TTC34: variants seen among roughly 807,000 people sequenced by gnomAD.
The protein encoded by TTC34 is tetratricopeptide repeat protein 34.
A neutral mutation model predicts 40.7 loss-of-function variants in TTC34; 44 were observed. The ratio of observed to expected loss-of-function variants is 1.08; its 90% CI spans 0.85 to 1.39. TTC34 has a LOEUF of 1.39. Among genes scored for constraint, TTC34 ranks in the 40% most tolerant of loss-of-function variants. The probability of loss-of-function intolerance (pLI) is 0.00; values close to 1 mark genes in which losing one functional copy is unlikely to be tolerated. For synonymous variants in TTC34, 422 were observed against 398.6 expected (o/e 1.06, Z -0.70); for missense variants, 884 against 838.0 (o/e 1.05, Z -0.68).
intron 6 of TTC34, among the ~76,000 whole-genome samples, chr1:2,779,078 G>A (rs1016064658): frequency 1.1e-4 from 16 of 152,182 alleles, no homozygotes; most frequent in Non-Finnish European, 2.2e-4. Flanking sequence ...GTTCATCCAT[G>A]TTGTAGTGTG....
chr1:2,757,413 TG>T (rs1641542438), intron 6 of TTC34, among the ~76,000 whole-genome samples: 1 of 63,056 alleles, frequency 1.6e-5, no homozygotes, highest in Admixed American at 1.7e-4. Context: ...TGTGACAGCC[TG>T]GATCTGCACC....
intron 5 of TTC34, 37 bp downstream of exon 5, chr1:2,785,782 C>A: frequency 6.5e-7 from 1 of 1,530,674 alleles, no homozygotes; most frequent in Non-Finnish European, 8.8e-7. Flanking sequence ...GTGCCTGGCA[C>A]AAGACTGGGC....
chr1:2,655,121 A>C (rs1303942079), intron 6 of TTC34, among the ~76,000 whole-genome samples: 7 of 84,844 alleles, frequency 8.3e-5, no homozygotes, highest in Admixed American at 2.4e-4. Flanking sequence ...ACAGCCTGGA[A>C]CAGCACCGAC....
chr1:2,757,820 C>T (rs1364763359), intron 6 of TTC34, among the ~76,000 whole-genome samples: 1 of 148,108 alleles, frequency 6.8e-6, no homozygotes, highest in African/African-American at 2.5e-5. Flanking sequence ...CAGCCTGGAG[C>T]AGCACCCACA....
In TTC34 at chr1:2,699,008, C is replaced by A. The variant is rs1347200202; in HGVS notation, c.2227-53445G>T. Among the ~76,000 whole-genome samples, 6 of 128,464 alleles carry A rather than the reference C, an allele frequency of 4.7e-5. 1 individual carries two copies. The highest frequency in any genetic ancestry group is 4.7e-3 in the Middle Eastern group (1 of 214). The allele number at this position is 128,464 out of a possible 152,430, so 84.3% of individuals were successfully genotyped here. ...ATCTGACAGCCTGGAAAGGCACCCA[C>A]ACCACCAGGTGAGCATCTGATGGTC... On this transcript the variant is annotated intron_variant, in intron 6 of 8. Transcript: ENST00000401095.
intron 6 of TTC34, among the ~76,000 whole-genome samples, chr1:2,651,782 A>C (rs940898384): frequency 2.6e-5 from 4 of 152,046 alleles, no homozygotes; most frequent in African/African-American, 9.7e-5. Flanking sequence ...TGAGCATCTG[A>C]CAGCCGGAAA....
rs1292213749 is a variant in TTC34 at position 2,755,642 on chromosome 1, G to T, written c.2226+27967C>A. The stretch of plus-strand genomic sequence containing the variant: ...CCACACACCCAGGTGCGCATCTGAT[G>T]GTCTGGAGCAGCACCCACAACCACA... On this transcript the variant is annotated intron_variant, in intron 6 of 8. Transcript: ENST00000401095. Among the ~76,000 whole-genome samples, 3 of 106,092 alleles carry T rather than the reference G, an allele frequency of 2.8e-5. 1 individual carries two copies. Among genetic ancestry groups the T allele is most frequent in the African/African-American group, 1.4e-4 (3 of 21,586 alleles). The allele number at this position is 106,092 out of a possible 152,430, so 69.6% of individuals were successfully genotyped here.
Position 2,775,827 on chromosome 1 carries a change from C to T in TTC34, c.2226+7782G>A, listed in dbSNP as rs527848487. Among the ~76,000 whole-genome samples the T allele has an allele frequency of 7.7e-4, 112 of 145,496 alleles. No individual in the cohort carries two copies. In the East Asian group the frequency reaches 0.02, roughly 26 times the overall value. On this transcript the variant is annotated intron_variant, in intron 6 of 8. Transcript: ENST00000401095. ...CATCTGACAGCCTGGAGCAGCAGTGCCCACCCCTGGGTGAGGATGCTCACC... is the reference window on the plus strand; with the variant it reads ...CATCTGACAGCCTGGAGCAGCAGTGTCCACCCCTGGGTGAGGATGCTCACC...
Position 2,760,959 on chromosome 1 carries a change from C to T in TTC34, c.2226+22650G>A, listed in dbSNP as rs1410411394. On this transcript the variant is annotated intron_variant, in intron 6 of 8. Transcript: ENST00000401095. ...GCATCTGACAGCCTGGAGCAGCGTC[C>T]ACACCCCCAGGTGAGCATCTGATAG... is the stretch of plus-strand genomic sequence containing the variant. Among the ~76,000 whole-genome samples, 8 of 63,638 alleles carry T rather than the reference C, an allele frequency of 1.3e-4. 3 individuals are homozygous for T. The highest frequency in any genetic ancestry group is 0.015 in the Middle Eastern group (2 of 136). The allele number at this position is 63,638 out of a possible 152,430, so 41.7% of individuals were successfully genotyped here.
chr1:2,791,509 A>AAG (rs1394011251), intron 2 of TTC34, among the ~76,000 whole-genome samples: 32 of 152,356 alleles, frequency 2.1e-4, no homozygotes, highest in African/African-American at 7.5e-4. Flanking sequence ...AGGGCACAGA[A>AAG]GCAAAGCCGC....
At chr1:2,687,711 G>A (rs1428119353) in intron 6 of TTC34, among the ~76,000 whole-genome samples, 7 of 151,470 alleles carry the variant, frequency 4.6e-5, no homozygotes, top group Non-Finnish European at 8.8e-5. Flanking sequence ...CTGACAGCCG[G>A]GAACAGCACC....
chr1:2,684,995 T>C (rs28562476), intron 6 of TTC34, among the ~76,000 whole-genome samples: 94 of 71,634 alleles, frequency 1.3e-3, no homozygotes, highest in Admixed American at 1.9e-3. Context: ...ACAGCACCCA[T>C]ACCCCCAGGC....
intron 6 of TTC34, among the ~76,000 whole-genome samples, chr1:2,683,355 C>A (rs1256313569): frequency 6.9e-6 from 1 of 145,010 alleles, no homozygotes; most frequent in Non-Finnish European, 1.5e-5. Context: ...CCTGCACCCC[C>A]AGGTGAGCAT....
intron 6 of TTC34, among the ~76,000 whole-genome samples, chr1:2,764,175 C>T (rs1356532225): frequency 6.0e-5 from 9 of 149,700 alleles, no homozygotes; most frequent in African/African-American, 1.7e-4. Context: ...AAAACAGCAC[C>T]CTGCAACCCC....
At chr1:2,646,341 C>T (rs1639021572) in intron 6 of TTC34, among the ~76,000 whole-genome samples, 1 of 152,202 alleles carries the variant, frequency 6.6e-6, no homozygotes. Context: ...TTGTCCTACA[C>T]TGAGCGATGC....
chr1:2,800,271 G>C (rs1381028425), exon 2 of TTC34: 7 of 398,574 alleles, frequency 1.8e-5, no homozygotes, highest in Non-Finnish European at 3.1e-5. Context: ...ACTGAGCAGC[G>C]CGGGGAGGTG....
intron 6 of TTC34, among the ~76,000 whole-genome samples, chr1:2,683,260 A>C (rs1177744527): frequency 6.6e-6 from 1 of 150,824 alleles, no homozygotes. Flanking sequence ...GGTTTGCAGC[A>C]GCACCCACAC....
intron 2 of TTC34, among the ~76,000 whole-genome samples, chr1:2,799,122 C>T (rs1200579347): frequency 6.6e-6 from 1 of 151,460 alleles, no homozygotes. Context: ...TCCCGGCCTC[C>T]CGGCCTCCCA....
intron 6 of TTC34, among the ~76,000 whole-genome samples, chr1:2,749,442 ACCCCC>A (rs1641245334): frequency 7.0e-3 from 779 of 110,696 alleles, no homozygotes; most frequent in Middle Eastern, 0.014. Flanking sequence ...CAGCACCGAC[ACCCCC>A]AGGTGAGCAT....
Sources: allele counts gnomAD v4.1 joint callset (sites outside exome capture counted in the v4.1 genomes callset), GRCh38; gene constraint gnomAD v4.1.1; transcripts MANE v1.5; gene names NCBI Gene and HGNC (gene_info 2026-07-23, HGNC 2026-07-21).